GOLGA1: variants seen among roughly 807,000 people sequenced by gnomAD.
The protein encoded by GOLGA1 is golgin subfamily A member 1.
A neutral mutation model predicts 119.7 loss-of-function variants in GOLGA1; 63 were observed. That is an observed-to-expected ratio of 0.53 (90% CI 0.43 to 0.65). GOLGA1 has a LOEUF of 0.65. Ranked by LOEUF, GOLGA1 falls within the 30% of genes least tolerant of loss-of-function variation. The pLI is 0.00. For missense variants in GOLGA1, 798 were observed against 912.8 expected, an observed-to-expected ratio of 0.87 and a Z score of 1.62; for synonymous variants, 318 against 333.4, an observed-to-expected ratio of 0.95 and a Z score of 0.50.
rs1564322313 is a variant in GOLGA1 at position 124,888,433 on chromosome 9, G to T, written c.1762-37C>A. On this transcript the variant is annotated intron_variant, in intron 18 of 22. Coordinates refer to ENST00000373555, the MANE Select transcript of GOLGA1 (RefSeq NM_002077.4). The surrounding 1 kb of genome is among the most constrained non-coding windows in gnomAD (Gnocchi z 4.4). ...CAGCAGCAAATTGAGAGCCAGGACA[G>T]GTCAGGTGAAGCTGAGCCACAGGTA... 3.7e-6 allele frequency: 6 copies of T among 1,607,670 alleles called. No individual in the cohort carries two copies. The highest frequency in any genetic ancestry group is 5.1e-6 in the Non-Finnish European group (6 of 1,174,760).
intron 12 of GOLGA1, among the ~76,000 whole-genome samples, chr9:124,907,908 C>G (rs1830265143): frequency 6.6e-6 from 1 of 152,144 alleles, no homozygotes. Flanking sequence ...AGTACTTAGT[C>G]TCTTTAGGTT....
intron 7 of GOLGA1, among the ~76,000 whole-genome samples, 162 bp from the exon 8 acceptor site, chr9:124,923,385 C>T (rs988650193): frequency 1.3e-5 from 2 of 152,170 alleles, no homozygotes; most frequent in Non-Finnish European, 2.9e-5. Flanking sequence ...AATCCTCCCG[C>T]CTTGGCCTCC....
upstream of GOLGA1, among the ~76,000 whole-genome samples, chr9:124,941,490 C>T (rs894178408): frequency 6.6e-6 from 1 of 152,246 alleles, no homozygotes; most frequent in African/African-American, 2.4e-5. Context: ...GGTCCCGCCG[C>T]ACCCTAGGCA....
Position 124,939,377 on chromosome 9 carries a change from T to C in GOLGA1, c.-155-511A>G, listed in dbSNP as rs575695150. 3.0e-3 allele frequency among the ~76,000 whole-genome samples: 461 copies of C among 152,236 alleles called. 3 individuals carry two copies. Among genetic ancestry groups the C allele is most frequent in the Non-Finnish European group, 4.2e-3 (284 of 68,018 alleles). ...ATGTAAAAGGTGTAATATCCTACTG[T>C]TTCAGGATGGTTTGCAATCAACTGT... On this transcript the variant is annotated intron_variant, in intron 2 of 22. Coordinates refer to ENST00000373555, the MANE Select transcript of GOLGA1 (RefSeq NM_002077.4).
intron 10 of GOLGA1, among the ~76,000 whole-genome samples, chr9:124,914,407 G>A (rs1166516758): frequency 5.3e-5 from 8 of 152,044 alleles, no homozygotes; most frequent in South Asian, 2.1e-4. Context: ...AGGCTGAGGC[G>A]GGAGAACGGC....
intron 3 of GOLGA1, among the ~76,000 whole-genome samples, chr9:124,936,218 C>T (rs1445190293): frequency 6.6e-6 from 1 of 152,152 alleles, no homozygotes; most frequent in Non-Finnish European, 1.5e-5. Flanking sequence ...CAAATGTGTG[C>T]TTATATTTCC....
intron 3 of GOLGA1, 89 bp from the exon 4 acceptor site, chr9:124,931,495 T>TG (rs1830771057): frequency 1.4e-6 from 1 of 736,278 alleles, no homozygotes; most frequent in Admixed American, 2.0e-5. Context: ...ATTTTAGGTT[T>TG]GGTTACACTT....
intron 11 of GOLGA1, among the ~76,000 whole-genome samples, chr9:124,910,676 C>T (rs1830322222): frequency 6.6e-6 from 1 of 152,142 alleles, no homozygotes; most frequent in Non-Finnish European, 1.5e-5. Context: ...CTGTTAGGAA[C>T]CAGGCCGCAC....
intron 15 of GOLGA1, among the ~76,000 whole-genome samples, chr9:124,892,719 G>T (rs145183511): frequency 9.2e-5 from 14 of 152,244 alleles, no homozygotes; most frequent in Admixed American, 5.2e-4. Context: ...GATCACCTGA[G>T]GTTGAGAGTT....
intron 1 of GOLGA1, 82 bp from the exon 2 acceptor site, chr9:124,940,237 A>G (rs572726526): frequency 6.8e-4 from 103 of 152,288 alleles, no homozygotes; most frequent in African/African-American, 2.4e-3. Flanking sequence ...TAGGGGGAAG[A>G]AGTGAAGGAA....
At chr9:124,920,855 G>GAA (rs58458904) in intron 10 of GOLGA1, among the ~76,000 whole-genome samples, 120 of 110,858 alleles carry the variant, frequency 1.1e-3, no homozygotes, top group South Asian at 6.4e-3. Flanking sequence ...CAAAAAAAAA[G>GAA]AAAAAAAAAA....
intron 3 of GOLGA1, among the ~76,000 whole-genome samples, chr9:124,935,077 G>C (rs1171474604): frequency 6.6e-6 from 1 of 152,144 alleles, no homozygotes; most frequent in African/African-American, 2.4e-5. Context: ...TTTGGGGACA[G>C]GGAACCCAGA....
intron 19 of GOLGA1, among the ~76,000 whole-genome samples, chr9:124,883,871 C>G (rs556666270): frequency 6.6e-6 from 1 of 152,066 alleles, no homozygotes; most frequent in Non-Finnish European, 1.5e-5. Flanking sequence ...TACAGCTGTG[C>G]GCCACCACGC....
At chr9:124,911,000 A>G (rs1465710977) in intron 11 of GOLGA1, among the ~76,000 whole-genome samples, 1 of 152,240 alleles carries the variant, frequency 6.6e-6, no homozygotes, top group Non-Finnish European at 1.5e-5. Context: ...CAGAAGAGGC[A>G]AAATGCAAGC....
At chr9:124,923,305 T>A (rs1830607723) in intron 7 of GOLGA1, 82 bp from the exon 8 acceptor site, 3 of 1,259,428 alleles carry the variant, frequency 2.4e-6, no homozygotes, top group Non-Finnish European at 3.3e-6. Flanking sequence ...TTTTCTTTTT[T>A]AAAATTTTTG....
chr9:124,891,672 TTC>T (rs1390090334), intron 15 of GOLGA1, among the ~76,000 whole-genome samples: 2 of 151,852 alleles, frequency 1.3e-5, no homozygotes, highest in African/African-American at 2.4e-5. Flanking sequence ...GAGATGGAGC[TTC>T]TCTCTTGTTT....
intron 10 of GOLGA1, among the ~76,000 whole-genome samples, chr9:124,916,101 CTAAATAAATAAATAAA>C (rs5900631): frequency 6.9e-6 from 1 of 144,254 alleles, no homozygotes; most frequent in Non-Finnish European, 1.5e-5. Flanking sequence ...GACTGTATCT[CTAAATAAATAAATAAA>C]TAAATAAATA....
In GOLGA1 at chr9:124,908,433, G is replaced by C. The variant is rs141825187; in HGVS notation, c.1009C>G (p.Gln337Glu). Reference sequence around the variant, plus strand: ...TGGCTGCTTCTGGCTGCCAAGAGCTGTTGTCTGGTATCCTCCAAATTCTGC... The same window carrying C: ...TGGCTGCTTCTGGCTGCCAAGAGCTCTTGTCTGGTATCCTCCAAATTCTGC... The part of the protein sequence containing the change: ...AEQNLEDTRQ[Q>E]LLAARSSQAK... Residue 337 changes from glutamine (Q) to glutamate (E), a missense_variant, in exon 12 of 23, where the codon CAG becomes GAG. Physicochemically the swap from Gln to Glu is conservative, Grantham distance 29 (BLOSUM62 2). Coordinates refer to ENST00000373555, the MANE Select transcript of GOLGA1 (RefSeq NM_002077.4). 1.4e-5 allele frequency: 23 copies of C among 1,611,308 alleles called. No individual in the cohort carries two copies. In the African/African-American group the frequency reaches 2.7e-4, roughly 19 times the overall value.
intron 1 of GOLGA1, among the ~76,000 whole-genome samples, chr9:124,940,471 GTATT>G (rs1470819597): frequency 6.6e-6 from 1 of 152,238 alleles, no homozygotes; most frequent in South Asian, 2.1e-4. Flanking sequence ...CCTGGAGCCA[GTATT>G]TATTTCTCAG....
Sources: allele counts gnomAD v4.1 joint callset (sites outside exome capture counted in the v4.1 genomes callset), GRCh38; gene constraint gnomAD v4.1.1; non-coding constraint Gnocchi (gnomAD v3.1); transcripts MANE v1.5; gene names NCBI Gene and HGNC (gene_info 2026-07-23, HGNC 2026-07-21).